COL4A3: variants seen among roughly 807,000 people sequenced by gnomAD.
COL4A3 encodes the protein collagen type IV alpha 3 chain.
Under a neutral mutation model 217.4 loss-of-function variants are expected in COL4A3, and 135 were observed. The ratio of observed to expected loss-of-function variants is 0.62; its 90% CI spans 0.54 to 0.72. COL4A3 has a LOEUF of 0.72. Among genes scored for constraint, COL4A3 ranks in the 30% least tolerant of loss-of-function variants. The pLI, the probability that COL4A3 is intolerant of heterozygous loss-of-function variation, is 0.00. For synonymous variants in COL4A3, 690 were observed against 736.3 expected (o/e 0.94, Z 1.02); for missense variants, 1,868 against 2,119.9 (o/e 0.88, Z 2.33).
intron 1 of COL4A3, among the ~76,000 whole-genome samples, chr2:227,187,649 G>A (rs897820183): frequency 6.6e-6 from 1 of 152,158 alleles, no homozygotes; most frequent in African/African-American, 2.4e-5. Flanking sequence ...GACCTCATTA[G>A]CCCATTGTCC....
intron 28 of COL4A3, chr2:227,279,464 T>C (rs1025097113): frequency 8.1e-6 from 2 of 246,172 alleles, no homozygotes; most frequent in African/African-American, 4.6e-5. Context: ...AATATATCCA[T>C]ATATAAAAAT....
chr2:227,229,833 G>A (rs2068296120), intron 1 of COL4A3, among the ~76,000 whole-genome samples: 1 of 152,114 alleles, frequency 6.6e-6, no homozygotes, highest in South Asian at 2.1e-4. Context: ...TGGATCACGA[G>A]GTCAGGAGAT....
intron 34 of COL4A3, among the ~76,000 whole-genome samples, chr2:227,285,500 A>T (rs944931556): frequency 9.3e-5 from 14 of 150,292 alleles, no homozygotes; most frequent in African/African-American, 3.4e-4. Context: ...CTCTGCTAGG[A>T]CTAGTCTAAG....
intron 1 of COL4A3, among the ~76,000 whole-genome samples, chr2:227,179,158 C>T (rs1391192173): frequency 6.6e-6 from 1 of 151,892 alleles, no homozygotes; most frequent in Non-Finnish European, 1.5e-5. Flanking sequence ...TCTATTTTGC[C>T]CAGGCTAGTC....
intron 1 of COL4A3, among the ~76,000 whole-genome samples, chr2:227,235,371 A>G (rs532432681): frequency 6.6e-6 from 1 of 152,324 alleles, no homozygotes; most frequent in African/African-American, 2.4e-5. Context: ...GAAAATTGCA[A>G]TGAGTTAGTC....
At chr2:227,174,373 C>T (rs1296060384) in intron 1 of COL4A3, among the ~76,000 whole-genome samples, 1 of 152,026 alleles carries the variant, frequency 6.6e-6, no homozygotes, top group Non-Finnish European at 1.5e-5. Flanking sequence ...ATTACATTGG[C>T]CAAGTAAATT....
chr2:227,256,265 G>A, intron 16 of COL4A3, 78 bp from the exon 17 acceptor site: 1 of 1,353,090 alleles, frequency 7.4e-7, no homozygotes, highest in South Asian at 1.2e-5. Context: ...TTTCAGAGGA[G>A]TTCAAATTGC....
At chr2:227,218,349 C>A (rs1459889646) in intron 1 of COL4A3, among the ~76,000 whole-genome samples, 2 of 151,774 alleles carry the variant, frequency 1.3e-5, no homozygotes, top group African/African-American at 4.8e-5. Flanking sequence ...GCCTGTAGTC[C>A]CAGCTATTCG....
At chr2:227,256,513 C>T (rs2070186276) in intron 17 of COL4A3, 117 bp downstream of exon 17, 2 of 860,070 alleles carry the variant, frequency 2.3e-6, no homozygotes, top group Non-Finnish European at 4.0e-6. Context: ...CATTCAAATA[C>T]CCTACTAGGT....
chr2:227,192,875 G>A (rs1186432502), intron 1 of COL4A3, among the ~76,000 whole-genome samples: 2 of 151,950 alleles, frequency 1.3e-5, no homozygotes, highest in Non-Finnish European at 2.9e-5. Context: ...TATATTGTGA[G>A]CCAATACTTT....
chr2:227,242,884 T>C (rs1451677855), intron 3 of COL4A3, among the ~76,000 whole-genome samples: 1 of 152,214 alleles, frequency 6.6e-6, no homozygotes, highest in Non-Finnish European at 1.5e-5. Flanking sequence ...CTGTCTACCA[T>C]ATCCATGTAT....
Position 227,313,667 on chromosome 2 carries a change from C to A in COL4A3, c.*1797C>A, listed in dbSNP as rs556950106. 2 of 152,632 alleles carry A rather than the reference C, an allele frequency of 1.3e-5. No individual in the cohort carries two copies. The highest frequency in any genetic ancestry group is 4.8e-5 in the African/African-American group (2 of 41,442). 9.5% of individuals were successfully genotyped at this position (152,632 alleles called of 1,614,324 possible). On this transcript the variant is annotated 3_prime_UTR_variant, in exon 52 of 52. Transcript: ENST00000396578. ...CATGGTTTACATCCTTCACTGCTCA[C>A]GTGTTTGCTGTCAAGCCATTTTTAC...
At chr2:227,244,502 G>A (rs970771735) in intron 4 of COL4A3, 138 bp downstream of exon 4, 4 of 876,412 alleles carry the variant, frequency 4.6e-6, no homozygotes, top group Non-Finnish European at 7.4e-6. Context: ...AATCTGTAAT[G>A]GTAGATGTCA....
intron 43 of COL4A3, among the ~76,000 whole-genome samples, chr2:227,300,935 C>CA (rs1357726380): frequency 6.6e-6 from 1 of 151,820 alleles, no homozygotes; most frequent in East Asian, 1.9e-4. Context: ...AGCAAAATGA[C>CA]AATGGGTGTG....
chr2:227,256,377 T>C lies in COL4A3; in HGVS notation c.968T>C (p.Met323Thr), dbSNP rs1668345332. Residue 323 changes from methionine (M) to threonine (T), a missense_variant, in exon 17 of 52, where the codon ATG becomes ACG. Physicochemically the swap from Met to Thr is moderately conservative, Grantham distance 81. This residue lies in a region of COL4A3 where 1,503 missense variants were observed against 1,786.1 expected (regional missense o/e 0.84). Coordinates refer to ENST00000396578, the MANE Select transcript of COL4A3 (RefSeq NM_000091.5). ...VKGNRGFPGL[M>T]GEDGIKGQKG... ...GGCAACAGGGGTTTCCCTGGGTTAA[T>C]GGGTGAAGATGGCATTAAGGTAATC... 1.9e-6 allele frequency: 3 copies of C among 1,613,484 alleles called. No homozygotes were observed. Among genetic ancestry groups the C allele is most frequent in the Non-Finnish European group, 2.5e-6 (3 of 1,179,450 alleles).
Position 227,259,818 on chromosome 2 carries a change from A to C in COL4A3, c.1055A>C (p.Glu352Ala). The C allele has an allele frequency of 6.2e-7, 1 of 1,612,332 alleles. No individual in the cohort carries two copies. The highest frequency in any genetic ancestry group is 8.5e-7 in the Non-Finnish European group (1 of 1,178,366). Residue 352 changes from glutamate (E) to alanine (A), a missense_variant, in exon 19 of 52, where the codon GAA (glutamate) becomes GCA (alanine). Coordinates refer to ENST00000396578, the MANE Select transcript of COL4A3 (RefSeq NM_000091.5). The stretch of plus-strand genomic sequence containing the variant: ...ACAGAATATTATGACACATACCAGG[A>C]AAAGGGAGATGAAGGCACTCCAGGC... ...GPTEYYDTYQ[E>A]KGDEGTPGPP...
At chr2:227,256,605 C>A in intron 17 of COL4A3, 1 of 736,812 alleles carries the variant, frequency 1.4e-6, no homozygotes, top group Admixed American at 1.7e-5. Flanking sequence ...TAAACTTGTA[C>A]TGTGTACTTG....
chr2:227,168,930 T>C (rs923594426), intron 1 of COL4A3, among the ~76,000 whole-genome samples: 2 of 151,892 alleles, frequency 1.3e-5, no homozygotes, highest in African/African-American at 4.8e-5. Flanking sequence ...AGGGTACATG[T>C]GCACAATGTG....
intron 1 of COL4A3, among the ~76,000 whole-genome samples, chr2:227,193,299 C>A (rs971157721): frequency 6.6e-6 from 1 of 152,154 alleles, no homozygotes; most frequent in African/African-American, 2.4e-5. Context: ...TTTAAAACAA[C>A]GACAGCAAAA....
Sources: gnomAD v4.1 joint callset for allele counts (sites outside exome capture counted in the v4.1 genomes callset) on GRCh38, gnomAD v4.1.1 for gene constraint, gnomAD v4.1.1 regional missense constraint, MANE v1.5 for transcripts, NCBI Gene and HGNC (gene_info 2026-07-23, HGNC 2026-07-21) for gene names.